The following WDFY3 variants were observed in gnomAD, a reference collection of about 807,000 sequenced individuals.
The protein encoded by WDFY3 is WD repeat and FYVE domain-containing protein 3.
In WDFY3, 66 loss-of-function variants were observed where a neutral mutation model predicts 409.6. The observed-to-expected ratio is 0.16, with a 90% CI of 0.13 to 0.20. The LOEUF (loss-of-function observed/expected upper bound fraction) is 0.20, where lower values mean the gene tolerates loss of function less well. WDFY3 is among the 10% of genes least tolerant of loss of function. The pLI, the probability that WDFY3 is intolerant of heterozygous loss-of-function variation, is 1.00. For synonymous variants in WDFY3, 1,521 were observed against 1,537.1 expected (o/e 0.99, Z 0.25); for missense variants, 3,031 against 4,298.1 (o/e 0.71, Z 8.24).
intron 5 of WDFY3, among the ~76,000 whole-genome samples, chr4:84,846,344 T>C (rs1250006246): frequency 6.6e-6 from 1 of 152,046 alleles, no homozygotes; most frequent in Non-Finnish European, 1.5e-5. Flanking sequence ...CCTAAGAGTC[T>C]ACGATTATTT....
intron 25 of WDFY3, among the ~76,000 whole-genome samples, chr4:84,780,710 G>A (rs1011213052): frequency 5.9e-5 from 9 of 152,042 alleles, no homozygotes; most frequent in African/African-American, 2.2e-4. Flanking sequence ...GTTGCAGTGA[G>A]CCGAGATCGC....
Position 84,683,900 on chromosome 4 carries a change from G to C in WDFY3, c.9726+43C>G, listed in dbSNP as rs544163626. 3.9e-6 allele frequency: 6 copies of C among 1,531,654 alleles called. No individual in the cohort carries two copies. The Admixed American group carries it at 1.1e-4, about 28-fold the overall frequency. The allele number at this position is 1,531,654 out of a possible 1,614,324, so 94.9% of individuals were successfully genotyped here. On this transcript the variant is annotated intron_variant, in intron 63 of 67. Coordinates refer to ENST00000295888, the MANE Select transcript of WDFY3 (RefSeq NM_014991.6). ...TTAGCTACAAGTTTCTGGTAAACTAGGATGACAAATATCCTAATGAGTTTT... is the reference window on the plus strand; with the variant it reads ...TTAGCTACAAGTTTCTGGTAAACTACGATGACAAATATCCTAATGAGTTTT...
chr4:84,794,081 T>C (rs547358086), intron 21 of WDFY3, among the ~76,000 whole-genome samples: 7 of 152,314 alleles, frequency 4.6e-5, no homozygotes, highest in African/African-American at 1.4e-4. Flanking sequence ...GAATTAGAAT[T>C]ATAAAATAGT....
chr4:84,790,366 A>G (rs1278609284), intron 21 of WDFY3, among the ~76,000 whole-genome samples: 1 of 152,122 alleles, frequency 6.6e-6, no homozygotes, highest in Non-Finnish European at 1.5e-5. Flanking sequence ...ATAAGTAAAT[A>G]AAAATAAAAA....
chr4:84,925,113 TGTGA>T (rs971580139), intron 2 of WDFY3, among the ~76,000 whole-genome samples: 15 of 152,204 alleles, frequency 9.9e-5, no homozygotes, highest in African/African-American at 2.9e-4. Context: ...TGCTGAGGAC[TGTGA>T]TTTCCAAGTC....
intron 44 of WDFY3, among the ~76,000 whole-genome samples, chr4:84,728,172 G>C (rs1001557259): frequency 6.6e-6 from 1 of 152,034 alleles, no homozygotes; most frequent in African/African-American, 2.4e-5. Context: ...TGAAAGTGAA[G>C]AAAACGGATT....
chr4:84,708,910 T>C lies in WDFY3; in HGVS notation c.8216A>G (p.Glu2739Gly). ...FPWILADYDS[E>G]EVDLTNPKTF... ...TAAGCAAAATGACTTAAGATTTACC[T>C]CTGAGTCATAATCTGCAAGGATCCA... Residue 2739 changes from glutamate to glycine, a missense_variant and splice_region_variant, in exon 53 of 68, where the codon GAG becomes GGG. Glu to Gly is a moderately conservative substitution (Grantham distance 98). Coordinates refer to ENST00000295888, the MANE Select transcript of WDFY3 (RefSeq NM_014991.6). 1 of 1,611,992 alleles carries C rather than the reference T, an allele frequency of 6.2e-7. No individual in the cohort carries two copies. The highest frequency in any genetic ancestry group is 1.7e-4 in the Middle Eastern group (1 of 6,042).
chr4:84,688,993 T>C (rs1351156050), intron 61 of WDFY3, among the ~76,000 whole-genome samples: 1 of 152,232 alleles, frequency 6.6e-6, no homozygotes, highest in Non-Finnish European at 1.5e-5. Context: ...CTGTTAGTAG[T>C]TCCTAAGTAC....
chr4:84,859,913 C>T (rs1760350577), intron 4 of WDFY3, among the ~76,000 whole-genome samples: 1 of 152,160 alleles, frequency 6.6e-6, no homozygotes, highest in African/African-American at 2.4e-5. Flanking sequence ...AACAAGATTG[C>T]TACATGTAAT....
At chr4:84,839,630 G>C (rs1318577990) in intron 6 of WDFY3, among the ~76,000 whole-genome samples, 1 of 151,894 alleles carries the variant, frequency 6.6e-6, no homozygotes, top group Non-Finnish European at 1.5e-5. Flanking sequence ...GGCCAAGGCA[G>C]GTGGATCACC....
chr4:84,755,451 A>G, intron 33 of WDFY3, 51 bp from the exon 34 acceptor site: 2 of 1,565,886 alleles, frequency 1.3e-6, no homozygotes, highest in South Asian at 1.2e-5. Flanking sequence ...TTTTCAGTAG[A>G]GACCCTCATA....
intron 62 of WDFY3, among the ~76,000 whole-genome samples, chr4:84,685,629 G>T (rs1477197376): frequency 2.0e-5 from 3 of 152,184 alleles, no homozygotes; most frequent in African/African-American, 7.2e-5. Context: ...TGTTATGAGG[G>T]CAGAGACATA....
intron 64 of WDFY3, among the ~76,000 whole-genome samples, chr4:84,681,888 C>T (rs774205314): frequency 2.6e-5 from 4 of 152,218 alleles, no homozygotes; most frequent in Non-Finnish European, 4.4e-5. Flanking sequence ...GGTAACCAGG[C>T]TTCAGTGTGA....
chr4:84,955,299 C>A (rs1025662458), intron 1 of WDFY3, among the ~76,000 whole-genome samples: 2 of 151,944 alleles, frequency 1.3e-5, no homozygotes, highest in Non-Finnish European at 2.9e-5. Context: ...AAGAAGAATG[C>A]CATGTAATTA....
intron 50 of WDFY3, 55 bp from the exon 51 acceptor site, chr4:84,713,294 T>G: frequency 2.0e-6 from 3 of 1,498,224 alleles, no homozygotes; most frequent in Non-Finnish European, 2.8e-6. Context: ...CAGGATCTAA[T>G]GGGAAGCCTA....
At chr4:84,810,736 C>T (rs962782126) in intron 13 of WDFY3, among the ~76,000 whole-genome samples, 1 of 152,250 alleles carries the variant, frequency 6.6e-6, no homozygotes, top group East Asian at 1.9e-4. Context: ...CTGATTAATT[C>T]TAGAAGGGAT....
intron 2 of WDFY3, among the ~76,000 whole-genome samples, chr4:84,906,849 C>A (rs1026011717): frequency 1.3e-5 from 2 of 150,914 alleles, no homozygotes; most frequent in African/African-American, 4.9e-5. Flanking sequence ...AATTCTTCTT[C>A]TCCCAGTGTG....
At chr4:84,752,755 C>T (rs980139126) in intron 35 of WDFY3, among the ~76,000 whole-genome samples, 1 of 151,884 alleles carries the variant, frequency 6.6e-6, no homozygotes, top group Non-Finnish European at 1.5e-5. Context: ...TATCCCAGGT[C>T]CTAGAGTATA....
chr4:84,795,005 A>G, intron 19 of WDFY3, 26 bp from the exon 20 acceptor site: 1 of 1,479,656 alleles, frequency 6.8e-7, no homozygotes, highest in Non-Finnish European at 9.0e-7. Flanking sequence ...CAACATACAT[A>G]TTAGAGATCA....
Sources: gnomAD v4.1 joint callset for allele counts (sites outside exome capture counted in the v4.1 genomes callset) on GRCh38, gnomAD v4.1.1 for gene constraint, MANE v1.5 for transcripts, NCBI Gene and HGNC (gene_info 2026-07-23, HGNC 2026-07-21) for gene names.